The following SCARA5 variants were observed in gnomAD, a reference collection of about 807,000 sequenced individuals.
SCARA5 encodes scavenger receptor class A member 5.
A neutral mutation model predicts 46.3 loss-of-function variants in SCARA5; 45 were observed. The ratio of observed to expected loss-of-function variants is 0.97; its 90% CI spans 0.76 to 1.24. The LOEUF (loss-of-function observed/expected upper bound fraction) is 1.24, where lower values mean the gene tolerates loss of function less well. SCARA5 is among the 50% of genes most tolerant of loss of function. The pLI is 0.00. For synonymous variants in SCARA5, 333 were observed against 306.5 expected, an observed-to-expected ratio of 1.09 and a Z score of -0.90; for missense variants, 680 against 689.0, an observed-to-expected ratio of 0.99 and a Z score of 0.15.
chr8:27,898,375 C>T (rs769806631), intron 7 of SCARA5, among the ~76,000 whole-genome samples: 2 of 152,176 alleles, frequency 1.3e-5, no homozygotes, highest in African/African-American at 2.4e-5. Context: ...ATCCCATCCT[C>T]TGCACAGAAC....
intron 3 of SCARA5, among the ~76,000 whole-genome samples, chr8:27,960,148 GAAT>G (rs1322472007): frequency 2.0e-5 from 3 of 151,342 alleles, no homozygotes; most frequent in Non-Finnish European, 4.4e-5. Flanking sequence ...CTGATTGTGG[GAAT>G]AATAATATCA....
chr8:27,885,052 G>A (rs10096066), intron 7 of SCARA5, among the ~76,000 whole-genome samples: 1 of 129,290 alleles, frequency 7.7e-6, no homozygotes, highest in Non-Finnish European at 1.6e-5. Flanking sequence ...AAATGAGAGA[G>A]AGGGCAGACA....
At chr8:27,948,618 G>A (rs1585507701) in intron 3 of SCARA5, among the ~76,000 whole-genome samples, 2 of 152,194 alleles carry the variant, frequency 1.3e-5, no homozygotes, top group Admixed American at 1.3e-4. Flanking sequence ...CTTCAAACTG[G>A]CCAGTCCCAC....
At chr8:27,905,016 C>T (rs552966114) in intron 6 of SCARA5, among the ~76,000 whole-genome samples, 182 bp from the exon 7 acceptor site, 1 of 152,144 alleles carries the variant, frequency 6.6e-6, no homozygotes, top group East Asian at 1.9e-4. Context: ...GCCCTGGGTA[C>T]CCCAAGAAGG....
At chr8:27,900,736 T>C (rs946907018) in intron 7 of SCARA5, among the ~76,000 whole-genome samples, 2 of 151,502 alleles carry the variant, frequency 1.3e-5, no homozygotes, top group Non-Finnish European at 2.9e-5. Flanking sequence ...AAATGGACCA[T>C]CTACTAGGGT....
chr8:27,982,117 G>A (rs1018188566), intron 2 of SCARA5, among the ~76,000 whole-genome samples: 10 of 152,192 alleles, frequency 6.6e-5, no homozygotes. Flanking sequence ...CCAGGAGCAT[G>A]TGTAACTCAT....
intron 3 of SCARA5, among the ~76,000 whole-genome samples, chr8:27,947,014 CTTT>C (rs1358571998): frequency 2.9e-5 from 4 of 138,360 alleles, no homozygotes; most frequent in Non-Finnish European, 6.3e-5. Flanking sequence ...TCCTGTTGGG[CTTT>C]TTTTTTTTTT....
chr8:27,942,631 T>C (rs1807970366), intron 3 of SCARA5, among the ~76,000 whole-genome samples: 1 of 152,178 alleles, frequency 6.6e-6, no homozygotes, highest in Non-Finnish European at 1.5e-5. Flanking sequence ...AGCACCTGCG[T>C]CCACTTCCTT....
chr8:27,991,847 A>G (rs1460047135), intron 1 of SCARA5, among the ~76,000 whole-genome samples: 4 of 150,974 alleles, frequency 2.6e-5, no homozygotes, highest in Non-Finnish European at 5.9e-5. Flanking sequence ...ACAGACATGC[A>G]CACACACACA....
chr8:27,982,395 C>A (rs1268924142), intron 2 of SCARA5, among the ~76,000 whole-genome samples: 2 of 91,250 alleles, frequency 2.2e-5, no homozygotes, highest in South Asian at 7.2e-4. Flanking sequence ...GGGTGGGGGG[C>A]GGGAGGAGGG....
At chr8:27,897,642 G>GCCGC (rs1807086096) in intron 7 of SCARA5, among the ~76,000 whole-genome samples, 1 of 152,142 alleles carries the variant, frequency 6.6e-6, no homozygotes, top group Non-Finnish European at 1.5e-5. Flanking sequence ...CGCAGGCTCG[G>GCCGC]CTGCCTGTGT....
intron 3 of SCARA5, among the ~76,000 whole-genome samples, chr8:27,929,429 C>G (rs568330280): frequency 5.3e-5 from 8 of 152,312 alleles, no homozygotes; most frequent in African/African-American, 1.7e-4. Context: ...AAGAAGGAAG[C>G]TAAGGGTCCT....
intron 7 of SCARA5, among the ~76,000 whole-genome samples, chr8:27,902,511 T>G (rs2129739821): frequency 6.6e-6 from 1 of 152,320 alleles, no homozygotes; most frequent in South Asian, 2.1e-4. Flanking sequence ...ACCTCCTCAC[T>G]TGCTCTCTCA....
chr8:27,962,808 C>T (rs979197189), intron 3 of SCARA5, among the ~76,000 whole-genome samples: 2 of 152,216 alleles, frequency 1.3e-5, no homozygotes, highest in African/African-American at 2.4e-5. Context: ...TGATTTTAAA[C>T]CCTCCTGTGC....
intron 8 of SCARA5, among the ~76,000 whole-genome samples, chr8:27,877,757 G>A (rs553155981): frequency 7.6e-4 from 115 of 152,226 alleles, no homozygotes; most frequent in African/African-American, 2.5e-3. Context: ...TCATGGTGCC[G>A]GATCCCTTCG....
rs899589264 is a variant in SCARA5, at chr8:27,950,432, C to T, written c.241+15982G>A. 4.6e-5 allele frequency among the ~76,000 whole-genome samples: 7 copies of T among 152,020 alleles called. 1 individual carries two copies. The highest frequency in any genetic ancestry group is 3.9e-4 in the Admixed American group (6 of 15,266). On this transcript the variant is annotated intron_variant, in intron 3 of 8. Transcript: ENST00000354914. ...CGTGCTTGGGGGGCATCCCAGCCTG[C>T]ACGGCCAACTCTAATCCCCACCTAA...
At chr8:27,935,594 G>C (rs1472246998) in intron 3 of SCARA5, among the ~76,000 whole-genome samples, 1 of 152,190 alleles carries the variant, frequency 6.6e-6, no homozygotes. Context: ...CCTGGGGCCA[G>C]AGGCACAAAG....
chr8:27,936,760 G>C (rs1287001258), intron 3 of SCARA5, among the ~76,000 whole-genome samples: 1 of 152,052 alleles, frequency 6.6e-6, no homozygotes, highest in Admixed American at 6.5e-5. Flanking sequence ...CCAGCTGATG[G>C]TCACGGATTT....
intron 3 of SCARA5, among the ~76,000 whole-genome samples, chr8:27,930,835 T>C (rs1177112816): frequency 6.6e-6 from 1 of 152,226 alleles, no homozygotes; most frequent in Non-Finnish European, 1.5e-5. Flanking sequence ...TCTCTTGCCC[T>C]GTGTTCAAGT....
Sources: gnomAD v4.1 joint callset for allele counts (sites outside exome capture counted in the v4.1 genomes callset) on GRCh38, gnomAD v4.1.1 for gene constraint, MANE v1.5 for transcripts, NCBI Gene and HGNC (gene_info 2026-07-23, HGNC 2026-07-21) for gene names.